Variants in LOC728743 observed in about 807,000 individuals in gnomAD.
chr7:150,406,498 G>A, the LOC728743 span, among the ~76,000 whole-genome samples: 1 of 152,138 alleles, frequency 6.6e-6, no homozygotes, highest in Non-Finnish European at 1.5e-5. Context: ...ACATTGAAAA[G>A]AGCTTTCAAC....
the LOC728743 span, among the ~76,000 whole-genome samples, chr7:150,401,469 CT>C: frequency 7.9e-5 from 12 of 152,332 alleles, 1 homozygote; most frequent in East Asian, 2.1e-3. Context: ...CCTTTTGTTA[CT>C]TTTTAGTGGT....
At chr7:150,402,117 A>G in the LOC728743 span, among the ~76,000 whole-genome samples, 137,058 of 152,286 alleles carry the variant, frequency 0.9, 61,788 homozygotes, top group Non-Finnish European at 0.92. Context: ...ATAAACTTGA[A>G]TGGTTACTTG....
At chr7:150,409,167 G>C in the LOC728743 span, among the ~76,000 whole-genome samples, 1 of 149,988 alleles carries the variant, frequency 6.7e-6, no homozygotes, top group Admixed American at 6.6e-5. Context: ...ATAGTTCAGT[G>C]ACTGTCTCCA....
chr7:150,410,126 C>T, the LOC728743 span: 13 of 398,764 alleles, frequency 3.3e-5, 1 homozygote, highest in Admixed American at 4.8e-4. Context: ...CACGGCTCCA[C>T]ACCTGATCCT....
At chr7:150,404,282 G>A in the LOC728743 span, among the ~76,000 whole-genome samples, 1 of 152,096 alleles carries the variant, frequency 6.6e-6, no homozygotes, top group African/African-American at 2.4e-5. Flanking sequence ...CCTCAGGCAC[G>A]TTCTCACTGG....
At chr7:150,409,456 G>C in the LOC728743 span, among the ~76,000 whole-genome samples, 1 of 152,212 alleles carries the variant, frequency 6.6e-6, no homozygotes, top group South Asian at 2.1e-4. Flanking sequence ...CTGGTTCCAA[G>C]CTGGCGCTCT....
chr7:150,401,964 C>T, the LOC728743 span, among the ~76,000 whole-genome samples: 9 of 152,286 alleles, frequency 5.9e-5, no homozygotes, highest in East Asian at 1.9e-4. Flanking sequence ...TCACCACCTC[C>T]GGGAGAGCCA....
At chr7:150,401,539 A>G in the LOC728743 span, among the ~76,000 whole-genome samples, 1 of 152,378 alleles carries the variant, frequency 6.6e-6, no homozygotes, top group East Asian at 1.9e-4. Context: ...ATTGGGGCCA[A>G]AAACAGTGTG....
At chr7:150,401,012 G>GA in the LOC728743 span, 424 of 152,366 alleles carry the variant, frequency 2.8e-3, 2 homozygotes, top group African/African-American at 9.5e-3. Flanking sequence ...GGCCAGGTAA[G>GA]TGCAGGTCTG....
the LOC728743 span, among the ~76,000 whole-genome samples, chr7:150,407,150 C>T: frequency 6.6e-6 from 1 of 152,190 alleles, no homozygotes; most frequent in Admixed American, 6.5e-5. Context: ...AAACTCATCA[C>T]CATCTGTCTA....
At chr7:150,404,317 G>A in the LOC728743 span, among the ~76,000 whole-genome samples, 1 of 152,074 alleles carries the variant, frequency 6.6e-6, no homozygotes. Flanking sequence ...CTTCCCTGTC[G>A]TCACACACTA....
At chr7:150,404,228 CTT>C in the LOC728743 span, among the ~76,000 whole-genome samples, 3 of 152,154 alleles carry the variant, frequency 2.0e-5, no homozygotes, top group Non-Finnish European at 2.9e-5. Flanking sequence ...TTTAAAATAA[CTT>C]TTCCTCTCAG....
chr7:150,406,076 T>C, the LOC728743 span, among the ~76,000 whole-genome samples: 1 of 152,254 alleles, frequency 6.6e-6, no homozygotes, highest in African/African-American at 2.4e-5. Flanking sequence ...CAGATGTCAG[T>C]GCAGCTGCCT....
At chr7:150,408,238 G>A in the LOC728743 span, 1 of 387,392 alleles carries the variant, frequency 2.6e-6, no homozygotes, top group East Asian at 3.7e-5. Context: ...CCCGGGGCCT[G>A]CTGCCGACGG....
At chr7:150,405,339 C>G in the LOC728743 span, 1 of 152,250 alleles carries the variant, frequency 6.6e-6, no homozygotes, top group African/African-American at 2.4e-5. Context: ...CGGGGCCGCG[C>G]TGGGGCCGCG....
the LOC728743 span, chr7:150,404,999 G>C: frequency 6.6e-6 from 1 of 152,270 alleles, no homozygotes. Flanking sequence ...TTGTGGGCCT[G>C]GCCTTGGGAT....
chr7:150,403,058 C>T, the LOC728743 span, among the ~76,000 whole-genome samples: 3 of 152,170 alleles, frequency 2.0e-5, no homozygotes, highest in African/African-American at 4.8e-5. The surrounding 1 kb of genome is among the most constrained non-coding windows in gnomAD (Gnocchi z 5.1). Context: ...TAGTGGTGAT[C>T]CCTGTGCCAG....
chr7:150,403,647 C>G, the LOC728743 span, among the ~76,000 whole-genome samples: 1 of 152,186 alleles, frequency 6.6e-6, no homozygotes, highest in Non-Finnish European at 1.5e-5. The surrounding 1 kb of genome is among the most constrained non-coding windows in gnomAD (Gnocchi z 5.1). Flanking sequence ...CATGAGAACT[C>G]AACATCTGTC....
At chr7:150,401,496 A>T in the LOC728743 span, among the ~76,000 whole-genome samples, 2 of 152,214 alleles carry the variant, frequency 1.3e-5, no homozygotes, top group Admixed American at 6.5e-5. Context: ...TTTAGTAAAG[A>T]AATATCTTTG....
Sources: gnomAD v4.1 joint callset for allele counts (sites outside exome capture counted in the v4.1 genomes callset) on GRCh38, gnomAD v4.1.1 for gene constraint, Gnocchi (gnomAD v3.1) non-coding constraint, MANE v1.5 for transcripts.